Variants in DHRS7B observed in about 807,000 individuals in gnomAD.
The protein encoded by DHRS7B is peroxisomal reductase activating PPAR-gamma.
DHRS7B carries 24 observed loss-of-function variants against 26.4 expected under a neutral mutation model. That is an observed-to-expected ratio of 0.91 (90% CI 0.66 to 1.28). The LOEUF (loss-of-function observed/expected upper bound fraction) is 1.28. Ranked by LOEUF, DHRS7B falls within the 50% of genes most tolerant of loss-of-function variation. The probability of loss-of-function intolerance (pLI) is 0.00; values close to 1 mark genes in which losing one functional copy is unlikely to be tolerated. For synonymous variants in DHRS7B, 142 were observed against 166.4 expected (o/e 0.85, Z 1.13); for missense variants, 368 against 419.4 (o/e 0.88, Z 1.07).
At chr17:21,156,489 C>A (rs954976851) in intron 1 of DHRS7B, among the ~76,000 whole-genome samples, 1 of 151,906 alleles carries the variant, frequency 6.6e-6, no homozygotes, top group Non-Finnish European at 1.5e-5. Flanking sequence ...CCTGTAATCC[C>A]AGCTACTTGG....
At chr17:21,188,930 T>A in intron 6 of DHRS7B, 67 bp downstream of exon 6, 1 of 1,586,796 alleles carries the variant, frequency 6.3e-7, no homozygotes. Context: ...CATGCTGCTC[T>A]TACTTCAGTG....
intron 1 of DHRS7B, among the ~76,000 whole-genome samples, chr17:21,147,825 C>T (rs946327638): frequency 6.6e-6 from 1 of 152,170 alleles, no homozygotes; most frequent in Admixed American, 6.5e-5. Context: ...CTCTGTAATT[C>T]AGCCAAAGGA....
Position 21,191,373 on chromosome 17 carries a change from A to G in DHRS7B, c.*220A>G. 1.8e-6 allele frequency: 1 copy of G among 567,570 alleles called. No homozygotes were observed. Among genetic ancestry groups the G allele is most frequent in the Non-Finnish European group, 3.1e-6 (1 of 319,802 alleles). The allele number at this position is 567,570 out of a possible 1,614,324, so 35.2% of individuals were successfully genotyped here. On this transcript the variant is annotated 3_prime_UTR_variant, in exon 7 of 7. Transcript: ENST00000395511. ...GGAAACACTTAAGGAATAAATATGG[A>G]GCTGGGGTTTAACACTAAAAACTAG... is the stretch of plus-strand genomic sequence containing the variant.
At chr17:21,160,538 A>C (rs2144054770) in intron 1 of DHRS7B, among the ~76,000 whole-genome samples, 1 of 152,338 alleles carries the variant, frequency 6.6e-6, no homozygotes, top group South Asian at 2.1e-4. Flanking sequence ...CCACCACTAA[A>C]TAGGATGGCC....
rs71357468 is a variant in DHRS7B at position 21,138,066 on chromosome 17, T to TTAAAAAA, written c.20+11075_20+11076insTAAAAAA. 4.9e-3 allele frequency among the ~76,000 whole-genome samples: 173 copies of TTAAAAAA among 35,180 alleles called. 3 individuals carry two copies. The highest frequency in any genetic ancestry group is 0.013 in the African/African-American group (73 of 5,728). 23.1% of individuals were successfully genotyped at this position (35,180 alleles called of 152,430 possible). A position where few individuals can be genotyped will look rare whatever the true frequency, so the allele number is the denominator to read the frequency against. On this transcript the variant is annotated intron_variant, in intron 1 of 6. Coordinates refer to ENST00000395511, the MANE Select transcript of DHRS7B (RefSeq NM_015510.5). Reference sequence around the variant, plus strand: ...GGGATTACAGGTGCCCGGCCTCTTTTAAAAAAAAAATATATATATATATAT... The same window carrying TTAAAAAA: ...GGGATTACAGGTGCCCGGCCTCTTTTTAAAAAAAAAAAAAAAATATATATATATATAT...
At chr17:21,183,556 A>C (rs1162155609) in intron 3 of DHRS7B, 38 bp from the exon 4 acceptor site, 3 of 1,597,168 alleles carry the variant, frequency 1.9e-6, no homozygotes, top group Non-Finnish European at 2.6e-6. Context: ...ATGGCCTGCC[A>C]CTCAGAAAGT....
intron 1 of DHRS7B, among the ~76,000 whole-genome samples, chr17:21,140,897 CTTTTT>C (rs1230256243): frequency 6.6e-6 from 1 of 151,712 alleles, no homozygotes; most frequent in Non-Finnish European, 1.5e-5. Context: ...TGCCCTTTTT[CTTTTT>C]TTTCTTAAAA....
At chr17:21,166,305 C>A in intron 1 of DHRS7B, 1 of 985,428 alleles carries the variant, frequency 1.0e-6, no homozygotes. Context: ...AACCAGGGAG[C>A]TGAAGGCTGG....
At chr17:21,142,744 A>G (rs1973552030) in intron 1 of DHRS7B, among the ~76,000 whole-genome samples, 1 of 151,816 alleles carries the variant, frequency 6.6e-6, no homozygotes, top group Admixed American at 6.6e-5. Context: ...GTGAGAGACA[A>G]TTGATAACAT....
chr17:21,127,185 T>G, intron 1 of DHRS7B, 194 bp downstream of exon 1: 1 of 556,828 alleles, frequency 1.8e-6, no homozygotes, highest in Non-Finnish European at 3.0e-6. Context: ...ACCAGAGCCC[T>G]GGCTCCGGCG....
At chr17:21,188,375 T>C (rs1487688960) in intron 5 of DHRS7B, among the ~76,000 whole-genome samples, 1 of 152,230 alleles carries the variant, frequency 6.6e-6, no homozygotes, top group Admixed American at 6.5e-5. Flanking sequence ...ACTGGAGACA[T>C]GATGCTCATT....
chr17:21,153,374 A>G (rs1973813116), intron 1 of DHRS7B, among the ~76,000 whole-genome samples: 2 of 152,238 alleles, frequency 1.3e-5, no homozygotes, highest in South Asian at 4.1e-4. Context: ...ACTGAAAAAA[A>G]CAGGAACAAA....
intron 1 of DHRS7B, among the ~76,000 whole-genome samples, chr17:21,162,887 C>T (rs1374624790): frequency 6.6e-6 from 1 of 152,074 alleles, no homozygotes; most frequent in African/African-American, 2.4e-5. Flanking sequence ...CTTGAACATG[C>T]TTGGTACCAT....
At chr17:21,151,373 G>T (rs1025249786) in intron 1 of DHRS7B, among the ~76,000 whole-genome samples, 13 of 151,994 alleles carry the variant, frequency 8.6e-5, no homozygotes, top group African/African-American at 2.9e-4. Flanking sequence ...AATTAGCTGG[G>T]CGTGTTGGCA....
intron 1 of DHRS7B, among the ~76,000 whole-genome samples, chr17:21,145,681 A>G (rs910253335): frequency 8.5e-5 from 13 of 152,210 alleles, no homozygotes; most frequent in African/African-American, 2.9e-4. Context: ...AAGTACCTAT[A>G]CACCCATTCT....
At chr17:21,159,414 AT>A (rs59017040) in intron 1 of DHRS7B, among the ~76,000 whole-genome samples, 120,750 of 144,788 alleles carry the variant, frequency 0.83, 50,254 homozygotes, top group Non-Finnish European at 0.85. Flanking sequence ...CGCCCGGCTA[AT>A]TTTTTTTTTT....
intron 1 of DHRS7B, among the ~76,000 whole-genome samples, chr17:21,165,544 A>G (rs1974092470): frequency 6.6e-6 from 1 of 152,000 alleles, no homozygotes; most frequent in African/African-American, 2.4e-5. Flanking sequence ...GCTGGTCCCA[A>G]ACTTGTGAGC....
At chr17:21,142,452 T>C in intron 1 of DHRS7B, among the ~76,000 whole-genome samples, 1 of 152,142 alleles carries the variant, frequency 6.6e-6, no homozygotes, top group South Asian at 2.1e-4. Flanking sequence ...CTTTTCTGAG[T>C]ATAAAACAAT....
intron 1 of DHRS7B, among the ~76,000 whole-genome samples, chr17:21,154,691 A>G (rs1021617269): frequency 2.0e-5 from 3 of 152,238 alleles, no homozygotes; most frequent in African/African-American, 7.2e-5. Context: ...TTTGTTCAAA[A>G]TAATCATAGC....
Sources: gnomAD v4.1 joint callset for allele counts (sites outside exome capture counted in the v4.1 genomes callset) on GRCh38, gnomAD v4.1.1 for gene constraint, MANE v1.5 for transcripts, NCBI Gene and HGNC (gene_info 2026-07-23, HGNC 2026-07-21) for gene names.